Variants in AGBL1 observed in about 807,000 individuals in gnomAD.
The protein encoded by AGBL1 is AGBL carboxypeptidase 1, also known as cytosolic carboxypeptidase 4.
AGBL1 carries 130 observed loss-of-function variants against 118.9 expected under a neutral mutation model. That is an observed-to-expected ratio of 1.09 (90% CI 0.95 to 1.26). AGBL1 has a LOEUF of 1.26. AGBL1 is among the 50% of genes most tolerant of loss of function. The probability of loss-of-function intolerance (pLI) is 0.00; values close to 1 mark genes in which losing one functional copy is unlikely to be tolerated. For synonymous variants in AGBL1, 555 were observed against 478.9 expected (o/e 1.16, Z -2.08); for missense variants, 1,584 against 1,298.1 (o/e 1.22, Z -3.38).
chr15:86,791,352 A>G (rs1406664868), intron 22 of AGBL1, among the ~76,000 whole-genome samples: 3 of 152,180 alleles, frequency 2.0e-5, no homozygotes, highest in Admixed American at 2.0e-4. Context: ...AAACTCCATG[A>G]GTTTTCACTT....
At chr15:86,505,787 G>C (rs2082969752) in intron 18 of AGBL1, among the ~76,000 whole-genome samples, 2 of 151,738 alleles carry the variant, frequency 1.3e-5, no homozygotes, top group South Asian at 2.1e-4. Context: ...CACAAGGATA[G>C]TTTCTATTAG....
intron 18 of AGBL1, among the ~76,000 whole-genome samples, chr15:86,406,338 T>C (rs1007095942): frequency 2.0e-5 from 3 of 152,230 alleles, no homozygotes; most frequent in Non-Finnish European, 1.5e-5. Context: ...AAAGTATCTA[T>C]TTACCGAGTG....
chr15:86,185,209 C>T (rs550527433), intron 5 of AGBL1, among the ~76,000 whole-genome samples: 1 of 152,294 alleles, frequency 6.6e-6, no homozygotes, highest in East Asian at 1.9e-4. Context: ...CAATGAGATA[C>T]CATCTCACAC....
chr15:86,995,333 C>G (rs1323086807), intron 24 of AGBL1, among the ~76,000 whole-genome samples: 1 of 152,082 alleles, frequency 6.6e-6, no homozygotes, highest in Non-Finnish European at 1.5e-5. Flanking sequence ...CTGTAGTGAG[C>G]CTGGATGGTG....
At chr15:86,329,690 G>T (rs368393017) in intron 17 of AGBL1, among the ~76,000 whole-genome samples, 2 of 151,946 alleles carry the variant, frequency 1.3e-5, no homozygotes, top group South Asian at 2.1e-4. Flanking sequence ...GGCACCCAAA[G>T]CACCTCATTA....
At chr15:86,950,137 G>C (rs1278028465) in intron 23 of AGBL1, among the ~76,000 whole-genome samples, 1 of 151,890 alleles carries the variant, frequency 6.6e-6, no homozygotes, top group African/African-American at 2.4e-5. Context: ...AGCCTGTTTA[G>C]AGGAGAAATT....
chr15:86,534,331 G>A (rs1014360473), intron 19 of AGBL1, among the ~76,000 whole-genome samples: 12 of 152,152 alleles, frequency 7.9e-5, no homozygotes, highest in Admixed American at 6.5e-4. Context: ...TACCATTTGA[G>A]CTGGACTTGC....
intron 18 of AGBL1, among the ~76,000 whole-genome samples, chr15:86,463,782 C>G (rs1212605782): frequency 2.0e-5 from 3 of 152,158 alleles, no homozygotes; most frequent in African/African-American, 4.8e-5. Flanking sequence ...GTCCTCTGTT[C>G]TGTTCCATTG....
intron 18 of AGBL1, among the ~76,000 whole-genome samples, chr15:86,463,554 A>G (rs994356233): frequency 1.3e-5 from 2 of 152,072 alleles, no homozygotes; most frequent in African/African-American, 4.8e-5. Context: ...GTTTTCTTCT[A>G]GGGTTTTTAT....
intron 17 of AGBL1, among the ~76,000 whole-genome samples, chr15:86,359,395 T>C (rs1273485633): frequency 1.6e-4 from 20 of 123,462 alleles, no homozygotes; most frequent in African/African-American, 4.3e-4. Context: ...TTCTTTTTTT[T>C]TTTTTTTTTT....
At chr15:86,640,901 A>T (rs546585176) in intron 21 of AGBL1, among the ~76,000 whole-genome samples, 8 of 152,136 alleles carry the variant, frequency 5.3e-5, no homozygotes, top group Non-Finnish European at 8.8e-5. Flanking sequence ...TTAATTTAAA[A>T]TTTCTGATTA....
chr15:86,161,247 G>A (rs1462596503), intron 5 of AGBL1, among the ~76,000 whole-genome samples: 1 of 152,180 alleles, frequency 6.6e-6, no homozygotes, highest in Non-Finnish European at 1.5e-5. Flanking sequence ...CCAAACCTCT[G>A]TAGGAAAGAG....
At chr15:86,888,237 G>A (rs1427204633) in intron 22 of AGBL1, among the ~76,000 whole-genome samples, 1 of 151,978 alleles carries the variant, frequency 6.6e-6, no homozygotes, top group Non-Finnish European at 1.5e-5. Flanking sequence ...AACAAGCCCG[G>A]TGATGGGTCT....
chr15:86,888,159 C>T (rs1040267590), intron 22 of AGBL1, among the ~76,000 whole-genome samples: 46 of 151,986 alleles, frequency 3.0e-4, no homozygotes, highest in African/African-American at 8.9e-4. Context: ...AGCAGGGAAA[C>T]GAGAACTACA....
At chr15:86,173,941 C>T (rs150836253) in intron 5 of AGBL1, among the ~76,000 whole-genome samples, 36 of 152,114 alleles carry the variant, frequency 2.4e-4, no homozygotes, top group African/African-American at 7.2e-4. Context: ...TTTGTGGTTT[C>T]ATATGAATTT....
chr15:86,679,687 G>T (rs2085916755), intron 22 of AGBL1, among the ~76,000 whole-genome samples: 2 of 151,892 alleles, frequency 1.3e-5, no homozygotes, highest in South Asian at 4.1e-4. Context: ...ATGGCTCTTG[G>T]TTTGATATTA....
At chr15:86,803,869 G>A (rs2078683797) in intron 22 of AGBL1, among the ~76,000 whole-genome samples, 1 of 152,146 alleles carries the variant, frequency 6.6e-6, no homozygotes, top group African/African-American at 2.4e-5. Flanking sequence ...AGAGATCAGA[G>A]ATGCTGCTGA....
chr15:87,001,797 C>T (rs969715125), intron 24 of AGBL1, among the ~76,000 whole-genome samples: 1 of 152,044 alleles, frequency 6.6e-6, no homozygotes, highest in African/African-American at 2.4e-5. Flanking sequence ...AGTGTCTGTT[C>T]ATATCCTTGG....
At chr15:86,826,476 C>G (rs1291413384) in intron 22 of AGBL1, among the ~76,000 whole-genome samples, 1 of 152,082 alleles carries the variant, frequency 6.6e-6, no homozygotes, top group East Asian at 1.9e-4. Context: ...AGAAAACACT[C>G]CTTTCACTAA....
Sources: allele counts gnomAD v4.1 joint callset (sites outside exome capture counted in the v4.1 genomes callset), GRCh38; gene constraint gnomAD v4.1.1; transcripts MANE v1.5; gene names NCBI Gene and HGNC (gene_info 2026-07-23, HGNC 2026-07-21).